The following NRG3 variants were observed in gnomAD, a reference collection of about 807,000 sequenced individuals.
NRG3 encodes neuregulin 3.
NRG3 carries 31 observed loss-of-function variants against 66.9 expected under a neutral mutation model. That is an observed-to-expected ratio of 0.46 (90% confidence interval 0.35 to 0.63). The LOEUF is 0.63. NRG3 is among the 20% of genes least tolerant of loss of function. NRG3 has a pLI of 0.00. For missense variants in NRG3, 910 were observed against 878.9 expected, an observed-to-expected ratio of 1.04 and a Z score of -0.45; for synonymous variants, 393 against 359.4, an observed-to-expected ratio of 1.09 and a Z score of -1.06.
At chr10:82,351,628 G>T (rs945824196) in intron 1 of NRG3, among the ~76,000 whole-genome samples, 5 of 152,120 alleles carry the variant, frequency 3.3e-5, no homozygotes, top group African/African-American at 1.2e-4. Context: ...TTAGCAGAAG[G>T]TATTGGGGTT....
intron 2 of NRG3, among the ~76,000 whole-genome samples, chr10:82,731,498 C>A (rs574205401): frequency 6.6e-6 from 1 of 152,138 alleles, no homozygotes; most frequent in South Asian, 2.1e-4. Flanking sequence ...TTAGATTCCA[C>A]GTATACGTGA....
At chr10:82,616,623 C>A (rs115753397) in intron 2 of NRG3, among the ~76,000 whole-genome samples, 4,163 of 152,246 alleles carry the variant, frequency 0.027, 203 homozygotes, top group African/African-American at 0.094. Flanking sequence ...TAAATCATAG[C>A]GTTCTACAGT....
intron 1 of NRG3, among the ~76,000 whole-genome samples, chr10:81,999,738 G>A (rs976619947): frequency 1.3e-5 from 2 of 152,120 alleles, no homozygotes; most frequent in Non-Finnish European, 2.9e-5. Context: ...ATGCTTTAAA[G>A]TACTGGCAAT....
intron 1 of NRG3, among the ~76,000 whole-genome samples, chr10:81,927,292 C>T (rs1846901016): frequency 6.6e-6 from 1 of 151,948 alleles, no homozygotes; most frequent in Admixed American, 6.6e-5. Flanking sequence ...TATTAATATC[C>T]TATCTGCTGT....
intron 1 of NRG3, among the ~76,000 whole-genome samples, chr10:81,976,957 A>G (rs1031342350): frequency 7.9e-5 from 12 of 152,224 alleles, no homozygotes; most frequent in Non-Finnish European, 1.0e-4. Context: ...CTTCCTCATA[A>G]TGTGCTATTT....
intron 1 of NRG3, chr10:82,166,674 A>G (rs1256975142): frequency 1.2e-5 from 6 of 493,884 alleles, no homozygotes; most frequent in African/African-American, 7.9e-5. Flanking sequence ...AGAAAAATAT[A>G]TATATTTACT....
chr10:82,862,519 T>C (rs2064186241), intron 3 of NRG3, among the ~76,000 whole-genome samples: 1 of 152,204 alleles, frequency 6.6e-6, no homozygotes, highest in East Asian at 1.9e-4. Context: ...CAGATCCACC[T>C]TTACATACTT....
At chr10:82,864,691 T>C (rs1333220) in intron 3 of NRG3, among the ~76,000 whole-genome samples, 3,382 of 152,328 alleles carry the variant, frequency 0.022, 42 homozygotes, top group Middle Eastern at 0.054. Context: ...AGATGTTAGC[T>C]GGTCAGGATG....
intron 1 of NRG3, among the ~76,000 whole-genome samples, chr10:82,041,075 A>G (rs1211602175): frequency 6.6e-6 from 1 of 152,126 alleles, no homozygotes; most frequent in Non-Finnish European, 1.5e-5. Context: ...TACTTGCCAT[A>G]GTGGGCCATA....
intron 1 of NRG3, among the ~76,000 whole-genome samples, chr10:81,970,485 A>G (rs2059894876): frequency 6.6e-6 from 1 of 152,222 alleles, no homozygotes; most frequent in African/African-American, 2.4e-5. Flanking sequence ...GCAAAAAGGT[A>G]GTTTGCAGTG....
At chr10:82,012,205 C>G (rs2061606745) in intron 1 of NRG3, among the ~76,000 whole-genome samples, 1 of 152,204 alleles carries the variant, frequency 6.6e-6, no homozygotes, top group Non-Finnish European at 1.5e-5. Context: ...CACGTGGAAG[C>G]TGCCATGGCT....
intron 2 of NRG3, among the ~76,000 whole-genome samples, chr10:82,629,315 G>T (rs965358053): frequency 1.3e-5 from 2 of 152,126 alleles, no homozygotes; most frequent in African/African-American, 4.8e-5. Context: ...AGTTTCTTTA[G>T]TCCGGATTTA....
At chr10:82,326,878 T>C (rs1255700151) in intron 1 of NRG3, among the ~76,000 whole-genome samples, 1 of 152,186 alleles carries the variant, frequency 6.6e-6, no homozygotes, top group Non-Finnish European at 1.5e-5. Flanking sequence ...CAATTTTCTT[T>C]TAAAAAATTG....
Position 82,358,719 on chromosome 10 carries a change from C to A in NRG3, c.824-20C>A. On this transcript the variant is annotated intron_variant, in intron 1 of 8. Transcript: ENST00000372141. ...AGAATGTACTGCTGACAGCGTTTCC[C>A]CCTGTGCTTTCCCTGACAGATACGA... The A allele has an allele frequency of 6.2e-7, 1 of 1,613,966 alleles. No homozygotes were observed. The highest frequency in any genetic ancestry group is 8.5e-7 in the Non-Finnish European group (1 of 1,179,946).
intron 2 of NRG3, among the ~76,000 whole-genome samples, chr10:82,385,347 GTATT>G (rs1204581929): frequency 2.0e-5 from 3 of 151,896 alleles, no homozygotes. Context: ...TTTATTGACT[GTATT>G]TATTATACCT....
rs758592296 is a variant in NRG3, at chr10:82,738,613, A to G, written c.990A>G (p.Gln330=). Residue 330 remains glutamine, a synonymous_variant, in exon 3 of 9, where the codon CAA becomes CAG. Transcript: ENST00000372141. ...GCTACCAAGGAGTCCGTTGTGATCA[A>G]TTTCTGCCGAAAACTGATTCCATCT... is the stretch of plus-strand genomic sequence containing the variant. ...KEGYQGVRCD[Q]FLPKTDSILS... is the part of the protein sequence containing the mutation. The G allele has an allele frequency of 5.9e-5, 96 of 1,614,010 alleles. No individual in the cohort carries two copies. The South Asian group carries it at 9.6e-4, about 16-fold the overall frequency.
At chr10:82,189,653 G>A (rs1435952847) in intron 1 of NRG3, among the ~76,000 whole-genome samples, 3 of 152,078 alleles carry the variant, frequency 2.0e-5, no homozygotes, top group Non-Finnish European at 4.4e-5. Flanking sequence ...AGCCAGGTGT[G>A]GCGGCATGCT....
intron 3 of NRG3, among the ~76,000 whole-genome samples, chr10:82,781,806 T>C (rs1365986023): frequency 6.6e-6 from 1 of 152,070 alleles, no homozygotes; most frequent in Non-Finnish European, 1.5e-5. Context: ...GTAGTCAATA[T>C]TTCCTGAAGC....
intron 3 of NRG3, among the ~76,000 whole-genome samples, chr10:82,771,920 A>G (rs956410439): frequency 3.3e-5 from 5 of 152,132 alleles, no homozygotes; most frequent in Non-Finnish European, 7.4e-5. Context: ...CTTAACACTC[A>G]TATTCAAACA....
Sources: gnomAD v4.1 joint callset for allele counts (sites outside exome capture counted in the v4.1 genomes callset) on GRCh38, gnomAD v4.1.1 for gene constraint, MANE v1.5 for transcripts, NCBI Gene and HGNC (gene_info 2026-07-23, HGNC 2026-07-21) for gene names.